The following SACS variants were observed in gnomAD, a reference collection of about 807,000 sequenced individuals.
The protein encoded by SACS is sacsin molecular chaperone, also known as sacsin.
In SACS, 197 loss-of-function variants were observed where a neutral mutation model predicts 348.0. The observed-to-expected ratio is 0.57, with a 90% confidence interval of 0.50 to 0.64. The LOEUF (loss-of-function observed/expected upper bound fraction) is 0.64, where lower values mean the gene tolerates loss of function less well. Among genes scored for constraint, SACS ranks in the 30% least tolerant of loss-of-function variants. SACS has a pLI of 0.00. For missense variants in SACS, 4,999 were observed against 5,360.8 expected, an observed-to-expected ratio of 0.93 and a Z score of 2.11; for synonymous variants, 1,985 against 1,910.6, an observed-to-expected ratio of 1.04 and a Z score of -1.02.
rs1385063930 is a variant in SACS, at chr13:23,353,009, CA to C, written c.2185+775del. Reference sequence around the variant, plus strand: ...AAGACACATCACAGAGTATGCTTGACAATGTGAACAGCAGGACAAACCCAGA... The same window carrying C: ...AAGACACATCACAGAGTATGCTTGACATGTGAACAGCAGGACAAACCCAGA... On this transcript the variant is annotated intron_variant, in intron 9 of 9. Coordinates refer to ENST00000382292, the MANE Select transcript of SACS (RefSeq NM_014363.6). Among the ~76,000 whole-genome samples, 3 of 150,402 alleles carry C rather than the reference CA, an allele frequency of 2.0e-5. No individual in the cohort carries two copies. In the East Asian group the frequency reaches 5.8e-4, roughly 29 times the overall value.
At chr13:23,408,047 C>G (rs542070100) in intron 2 of SACS, among the ~76,000 whole-genome samples, 1 of 152,258 alleles carries the variant, frequency 6.6e-6, no homozygotes, top group South Asian at 2.1e-4. Flanking sequence ...TCCCCTGTTG[C>G]AATCGTCTTG....
chr13:23,422,589 T>C (rs1379749330), intron 1 of SACS, among the ~76,000 whole-genome samples: 1 of 152,072 alleles, frequency 6.6e-6, no homozygotes, highest in Non-Finnish European at 1.5e-5. Context: ...TTAGGTCTTA[T>C]GTGAATATTT....
chr13:23,432,511 T>G (rs1182092173), intron 1 of SACS, among the ~76,000 whole-genome samples: 1 of 152,050 alleles, frequency 6.6e-6, no homozygotes, highest in African/African-American at 2.4e-5. Flanking sequence ...AGGGCAAGAT[T>G]AGGGAAGGCA....
rs1869097809 is a variant in SACS at position 23,340,454 on chromosome 13, A to G, written c.3422T>C (p.Leu1141Pro). 1 of 1,613,938 alleles carries G rather than the reference A, an allele frequency of 6.2e-7. No homozygotes were observed. The change falls in exon 10 of 10, where the codon CTG becomes CCG. Residue 1141 changes from leucine to proline, a missense_variant. Leu to Pro is a moderately conservative substitution (Grantham distance 98). Transcript: ENST00000382292. ...CATCTTTCCTTCAGATGATTGCAAC[A>G]GTGTGTGATTCTTATTTAAAACCAG... The part of the protein sequence containing the change: ...LLLVLNKNHT[L>P]LQSSEGKMTL...
At chr13:23,396,743 T>C (rs1872726873) in intron 2 of SACS, among the ~76,000 whole-genome samples, 1 of 152,210 alleles carries the variant, frequency 6.6e-6, no homozygotes, top group African/African-American at 2.4e-5. Context: ...GTATGTTAAC[T>C]GAAAATAGTT....
At chr13:23,384,736 A>G (rs1872202410) in intron 2 of SACS, among the ~76,000 whole-genome samples, 1 of 152,190 alleles carries the variant, frequency 6.6e-6, no homozygotes, top group African/African-American at 2.4e-5. Flanking sequence ...TGAAGGAATC[A>G]TTGGCATTCA....
At chr13:23,425,131 G>A (rs1874117125) in intron 1 of SACS, among the ~76,000 whole-genome samples, 1 of 152,028 alleles carries the variant, frequency 6.6e-6, no homozygotes, top group South Asian at 2.1e-4. Context: ...CGTCCACCTC[G>A]AGCTGGATGG....
At chr13:23,351,607 C>T (rs931509530) in intron 9 of SACS, among the ~76,000 whole-genome samples, 6 of 152,144 alleles carry the variant, frequency 3.9e-5, no homozygotes, top group Non-Finnish European at 7.3e-5. Context: ...ACTGTGAGTC[C>T]ATTAAACTTC....
chr13:23,336,619 C>A lies in SACS; in HGVS notation c.7257G>T (p.Glu2419Asp), dbSNP rs1318111732. 2 of 1,613,686 alleles carry A rather than the reference C, an allele frequency of 1.2e-6. No homozygotes were observed. Among genetic ancestry groups the A allele is most frequent in the Admixed American group, 1.7e-5 (1 of 59,950 alleles). ...QERGTKQITE[E>D]NFQLCRRIIS... ...TTATTCGTCGGCAAAGCTGAAAATTCTCTTCTGTTATTTGCTTTGTTCCTC... is the reference window on the plus strand; with the variant it reads ...TTATTCGTCGGCAAAGCTGAAAATTATCTTCTGTTATTTGCTTTGTTCCTC... The change falls in exon 10 of 10, where the codon GAG (glutamate) becomes GAT (aspartate). Residue 2419 changes from glutamate (E) to aspartate (D), a missense_variant. Glu to Asp is a conservative substitution (Grantham distance 45, BLOSUM62 2). Transcript: ENST00000382292.
intron 1 of SACS, among the ~76,000 whole-genome samples, chr13:23,431,111 C>T (rs763456801): frequency 1.3e-5 from 2 of 152,194 alleles, no homozygotes; most frequent in Non-Finnish European, 2.9e-5. Flanking sequence ...TTTCATAAGG[C>T]TATTGTAAGA....
rs767871841 is a variant in SACS at position 23,335,082 on chromosome 13, GT to G, written c.8793del (p.Lys2931AsnfsTer22). 1.9e-6 allele frequency: 3 copies of G among 1,613,304 alleles called. No homozygotes were observed. The highest frequency in any genetic ancestry group is 2.2e-5 in the East Asian group (1 of 44,894). On this transcript the variant is annotated frameshift_variant, in exon 10 of 10. Coordinates refer to ENST00000382292, the MANE Select transcript of SACS (RefSeq NM_014363.6). LOFTEE classifies it high-confidence loss of function. The surrounding 1 kb of genome is among the most constrained non-coding windows in gnomAD (Gnocchi z 4.7). ...GTTGGATCAGAACCAGGGAAATACC[GT>G]TTTTTTAACTGTATTAGCAATTCAA... is the stretch of plus-strand genomic sequence containing the variant. ...AYVELLIQLK[K>X]RYFPGSDPTL...
rs776780963 is a variant in SACS, at chr13:23,341,014, G to A, written c.2862C>T (p.Ala954=). 22 of 1,613,950 alleles carry A rather than the reference G, an allele frequency of 1.4e-5. No homozygotes were observed. The Middle Eastern group carries it at 4.9e-4, about 36-fold the overall frequency. The part of the protein sequence containing the change: ...LKGCKVLHHT[A]KLPADLRLSI... Reference sequence around the variant, plus strand: ...AAAGTCGCAGATCTGCTGGGAGTTTGGCAGTATGGTGTAAGACTTTACAAC... The same window carrying A: ...AAAGTCGCAGATCTGCTGGGAGTTTAGCAGTATGGTGTAAGACTTTACAAC... Residue 954 remains alanine, a synonymous_variant, in exon 10 of 10, where the codon GCC becomes GCT. Coordinates refer to ENST00000382292, the MANE Select transcript of SACS (RefSeq NM_014363.6).
In SACS at chr13:23,330,498, C is replaced by G. The variant is rs1029427821; in HGVS notation, c.13378G>C (p.Ala4460Pro). Reference protein sequence around the residue: ...WLRQARANFSAARNDLHKNAN... With the variant: ...WLRQARANFSPARNDLHKNAN... ...TTTTTATGAAGGTCATTCCTGGCAG[C>G]TGAGAAGTTTGCTCTGGCTTGTCTT... Residue 4460 changes from alanine to proline, a missense_variant, in exon 10 of 10, where the codon GCT becomes CCT. By Grantham distance (27) the Ala-to-Pro change is conservative. Around this residue, in one of 6 missense-constraint regions of SACS, gnomAD observed 254 missense variants for 275.1 expected, o/e 0.92. Coordinates refer to ENST00000382292, the MANE Select transcript of SACS (RefSeq NM_014363.6). The G allele has an allele frequency of 1.2e-6, 2 of 1,614,196 alleles. No homozygotes were observed. The highest frequency in any genetic ancestry group is 1.7e-6 in the Non-Finnish European group (2 of 1,180,028).
rs538944334 is a variant in SACS at position 23,368,388 on chromosome 13, G to A, written c.345+14C>T. The A allele has an allele frequency of 9.3e-5, 146 of 1,574,506 alleles. 3 individuals are homozygous for A. The South Asian group carries it at 1.4e-3, about 15-fold the overall frequency. On this transcript the variant is annotated intron_variant, in intron 5 of 9. Coordinates refer to ENST00000382292, the MANE Select transcript of SACS (RefSeq NM_014363.6). ...ATCAAAGTAAATAACACATGAACAC[G>A]ACATGTGCCCCACCTTAAGAATCTG...
chr13:23,337,638 C>G lies in SACS; in HGVS notation c.6238G>C (p.Val2080Leu). 6.2e-7 allele frequency: 1 copy of G among 1,613,712 alleles called. No homozygotes were observed. Among genetic ancestry groups the G allele is most frequent in the Non-Finnish European group, 8.5e-7 (1 of 1,179,892 alleles). ...AACTCATCAACTTTTTCATTTAGAA[C>G]AAAGATCATTAAAGGATCTCTAAGT... ...AELRDPLMIFVLNEKVDEFSG... is the reference protein window; with the variant it reads ...AELRDPLMIFLLNEKVDEFSG... The change falls in exon 10 of 10, where the codon GTT becomes CTT. Residue 2080 changes from valine (V) to leucine (L), a missense_variant. Physicochemically the swap from Val to Leu is conservative, Grantham distance 32. Transcript: ENST00000382292.
intron 1 of SACS, among the ~76,000 whole-genome samples, chr13:23,421,134 G>A (rs1266926928): frequency 1.3e-5 from 2 of 151,922 alleles, no homozygotes; most frequent in Non-Finnish European, 2.9e-5. Context: ...TGTCCGCCTG[G>A]GCCCTGGGTG....
chr13:23,336,965 A>G lies in SACS; in HGVS notation c.6911T>C (p.Val2304Ala), dbSNP rs748417547. ...CTGGTACAGTGTAATTCCATCATCA[A>G]CTGATTTTGCTACTTCTTTCAATTG... ...INQLKEVAKS[V>A]DDGITLYQEN... Residue 2304 changes from valine to alanine, a missense_variant, in exon 10 of 10, where the codon GTT becomes GCT. This residue lies in a region of SACS where 3,156 missense variants were observed against 3,380.1 expected (regional missense o/e 0.93). Coordinates refer to ENST00000382292, the MANE Select transcript of SACS (RefSeq NM_014363.6). 1 of 1,613,968 alleles carries G rather than the reference A, an allele frequency of 6.2e-7. No individual in the cohort carries two copies. Among genetic ancestry groups the G allele is most frequent in the Non-Finnish European group, 8.5e-7 (1 of 1,179,880 alleles).
chr13:23,399,346 C>T (rs114770631), intron 2 of SACS, among the ~76,000 whole-genome samples: 7 of 152,068 alleles, frequency 4.6e-5, no homozygotes, highest in Non-Finnish European at 8.8e-5. Context: ...CAACTTCTGC[C>T]GGTCCCAATC....
chr13:23,385,066 C>A (rs974242923), intron 2 of SACS, among the ~76,000 whole-genome samples: 8 of 151,930 alleles, frequency 5.3e-5, no homozygotes, highest in Non-Finnish European at 7.4e-5. Flanking sequence ...TCGAGAACAT[C>A]CTGGCTAACA....
Sources: allele counts gnomAD v4.1 joint callset (sites outside exome capture counted in the v4.1 genomes callset), GRCh38; gene constraint gnomAD v4.1.1; regional missense constraint gnomAD v4.1.1; non-coding constraint Gnocchi (gnomAD v3.1); transcripts MANE v1.5; gene names NCBI Gene and HGNC (gene_info 2026-07-23, HGNC 2026-07-21).